UPF2: variants seen among roughly 807,000 people sequenced by gnomAD.
The protein encoded by UPF2 is UPF2 regulator of nonsense mediated mRNA decay.
UPF2 carries 17 observed loss-of-function variants against 141.4 expected under a neutral mutation model. That is an observed-to-expected ratio of 0.12 (90% CI 0.08 to 0.18). The LOEUF (loss-of-function observed/expected upper bound fraction) is 0.18. Among genes scored for constraint, UPF2 ranks in the 10% least tolerant of loss-of-function variants. UPF2 has a pLI of 1.00. For synonymous variants in UPF2, 540 were observed against 498.0 expected, an observed-to-expected ratio of 1.08 and a Z score of -1.12; for missense variants, 1,152 against 1,515.9, an observed-to-expected ratio of 0.76 and a Z score of 3.99.
rs1421383598 is a variant in UPF2, at chr10:11,940,636, C to T, written c.3378+2029G>A. Among the ~76,000 whole-genome samples, 4 of 152,204 alleles carry T rather than the reference C, an allele frequency of 2.6e-5. No homozygotes were observed. ...GCCTCACCCCCTACACACCCATATC[C>T]AATCCAGCGCCAAATAAGCCAGGTC... On this transcript the variant is annotated intron_variant, in intron 18 of 21. Coordinates refer to ENST00000357604, the MANE Select transcript of UPF2 (RefSeq NM_015542.4). The surrounding 1 kb of genome is among the most constrained non-coding windows in gnomAD (Gnocchi z 4.2).
At chr10:11,994,239 A>C (rs921464394) in intron 8 of UPF2, among the ~76,000 whole-genome samples, 1 of 152,208 alleles carries the variant, frequency 6.6e-6, no homozygotes, top group Admixed American at 6.5e-5. Flanking sequence ...GAGGAAGTAC[A>C]AATTCAAATA....
At position 11,969,474 on chromosome 10, in the gene UPF2, C is replaced by CT. The variant is rs201045878; in HGVS notation, c.1954-2021dup. The stretch of plus-strand genomic sequence containing the variant: ...TGTGAGACACTGCTCCCAGCCAGAA[C>CT]TTTTTTTTAATGACATCATTTAAGC... On this transcript the variant is annotated intron_variant, in intron 9 of 21. Coordinates refer to ENST00000357604, the MANE Select transcript of UPF2 (RefSeq NM_015542.4). Among the ~76,000 whole-genome samples the CT allele has an allele frequency of 1.6e-3, 236 of 151,900 alleles. 1 individual carries two copies. Among genetic ancestry groups the CT allele is most frequent in the African/African-American group, 5.3e-3 (218 of 41,456 alleles).
chr10:12,012,965 C>G (rs549789647), intron 4 of UPF2, among the ~76,000 whole-genome samples: 19 of 151,794 alleles, frequency 1.3e-4, no homozygotes, highest in African/African-American at 4.6e-4. Context: ...ATGGTAAAAC[C>G]TTGCCTCTAA....
intron 18 of UPF2, among the ~76,000 whole-genome samples, chr10:11,937,457 C>T (rs1832868009): frequency 6.6e-6 from 1 of 152,104 alleles, no homozygotes; most frequent in Non-Finnish European, 1.5e-5. Flanking sequence ...GGTTGCGTGC[C>T]CTTCACGAAA....
intron 9 of UPF2, among the ~76,000 whole-genome samples, chr10:11,975,445 C>T (rs1275933610): frequency 6.6e-6 from 1 of 152,034 alleles, no homozygotes; most frequent in East Asian, 1.9e-4. Flanking sequence ...TTTAAGTGTC[C>T]GTTTATTATA....
intron 4 of UPF2, among the ~76,000 whole-genome samples, chr10:12,005,081 G>A (rs533199252): frequency 6.8e-5 from 10 of 146,256 alleles, no homozygotes; most frequent in East Asian, 2.0e-4. Context: ...TAAGACATCC[G>A]TTTAAAGTCC....
At chr10:11,993,951 T>C (rs1225310610) in intron 8 of UPF2, among the ~76,000 whole-genome samples, 3 of 152,024 alleles carry the variant, frequency 2.0e-5, no homozygotes, top group Non-Finnish European at 4.4e-5. Context: ...ATCTCACCAC[T>C]GCACTCAAGC....
intron 18 of UPF2, among the ~76,000 whole-genome samples, chr10:11,938,853 G>GTTTTTTTGTTTTTTTTTTTTTTTTTTT (rs1832890068): frequency 3.8e-5 from 3 of 79,812 alleles, no homozygotes; most frequent in African/African-American, 1.5e-4. Context: ...TTTTTTTTTT[G>GTTTTTTTGTTTTTTTTTTTTTTTTTTT]TTTTTTTTTT....
intron 1 of UPF2, among the ~76,000 whole-genome samples, chr10:12,036,727 T>C (rs1279407100): frequency 6.6e-6 from 1 of 152,218 alleles, no homozygotes; most frequent in African/African-American, 2.4e-5. Context: ...GAGTTGTATA[T>C]AAGAAAATCA....
In UPF2 at chr10:12,024,386, G is replaced by A. The variant is rs1484549082; in HGVS notation, c.1145+4359C>T. 3.3e-5 allele frequency among the ~76,000 whole-genome samples: 5 copies of A among 152,200 alleles called. No homozygotes were observed. In the East Asian group the frequency reaches 9.6e-4, roughly 29 times the overall value. On this transcript the variant is annotated intron_variant, in intron 3 of 21. Coordinates refer to ENST00000357604, the MANE Select transcript of UPF2 (RefSeq NM_015542.4). ...GCACTTTGGGAGACCAAGGCAGGCAGATCATCTGAGGTCAGGAGTTCGAGA... is the reference window on the plus strand; with the variant it reads ...GCACTTTGGGAGACCAAGGCAGGCAAATCATCTGAGGTCAGGAGTTCGAGA...
chr10:11,999,034 A>AC (rs1833909932), intron 7 of UPF2, among the ~76,000 whole-genome samples: 1 of 151,802 alleles, frequency 6.6e-6, no homozygotes, highest in East Asian at 1.9e-4. Context: ...AAAAAAAAAA[A>AC]AAAAAACTCA....
chr10:12,031,571 T>C (rs1280743649), intron 2 of UPF2, among the ~76,000 whole-genome samples: 1 of 152,182 alleles, frequency 6.6e-6, no homozygotes, highest in Non-Finnish European at 1.5e-5. Flanking sequence ...GCCCAGGAGT[T>C]AAGACCAGAC....
At chr10:11,965,491 G>T (rs952506405) in intron 10 of UPF2, among the ~76,000 whole-genome samples, 3 of 151,982 alleles carry the variant, frequency 2.0e-5, no homozygotes, top group African/African-American at 7.3e-5. Flanking sequence ...ATGGAGGCTG[G>T]CTCTGTCACC....
At chr10:11,982,456 C>T (rs553903660) in intron 8 of UPF2, among the ~76,000 whole-genome samples, 1 of 152,184 alleles carries the variant, frequency 6.6e-6, no homozygotes, top group South Asian at 2.1e-4. Context: ...GATGCTCTGA[C>T]TCAGGGCCTA....
In UPF2 at chr10:11,939,012, A is replaced by T. The variant is rs1376704200; in HGVS notation, c.3379-2300T>A. ...CTCAGCCTCCCAAGTAGCTGGGACT[A>T]CAGGCACCCACCACCACAACCAGCT... On this transcript the variant is annotated intron_variant, in intron 18 of 21. Transcript: ENST00000357604. This position sits in a 1 kb window ranked among gnomAD's most constrained non-coding sequence, Gnocchi z 4.8. 6.6e-6 allele frequency among the ~76,000 whole-genome samples: 1 copy of T among 151,830 alleles called. No individual in the cohort carries two copies. Among genetic ancestry groups the T allele is most frequent in the Middle Eastern group, 3.4e-3 (1 of 294 alleles).
intron 2 of UPF2, among the ~76,000 whole-genome samples, chr10:12,033,241 A>G (rs1055886716): frequency 6.6e-5 from 10 of 152,222 alleles, no homozygotes; most frequent in African/African-American, 1.2e-4. Context: ...CCGTTTCCAA[A>G]AACGATTTTT....
chr10:11,928,506 G>A (rs545540217), intron 21 of UPF2, among the ~76,000 whole-genome samples: 8 of 151,282 alleles, frequency 5.3e-5, no homozygotes, highest in Admixed American at 6.6e-5. Flanking sequence ...TCAGGAGATC[G>A]AGACCATCCT....
intron 4 of UPF2, among the ~76,000 whole-genome samples, chr10:12,005,973 G>A (rs1293225731): frequency 1.3e-5 from 2 of 152,074 alleles, no homozygotes; most frequent in Non-Finnish European, 2.9e-5. Context: ...TCGAAATCCT[G>A]GGCTCATGCA....
At position 11,997,695 on chromosome 10, in the gene UPF2, T is replaced by C. The variant is rs1371916219; in HGVS notation, c.1821A>G (p.Ala607=). The change falls in exon 8 of 22, where the codon GCA becomes GCG. Residue 607 remains alanine, a synonymous_variant. Coordinates refer to ENST00000357604, the MANE Select transcript of UPF2 (RefSeq NM_015542.4). ...ACCTTTGTCTAGGAACTATGAAGAG[T>C]GCCCGTACCAACTTCTTCCTGTTTG... ...TKANRKKLVR[A]LFIVPRQRLD... is the part of the protein sequence containing the mutation. 3 of 1,613,688 alleles carry C rather than the reference T, an allele frequency of 1.9e-6. No homozygotes were observed. The highest frequency in any genetic ancestry group is 2.5e-6 in the Non-Finnish European group (3 of 1,179,860).
Sources: allele counts gnomAD v4.1 joint callset (sites outside exome capture counted in the v4.1 genomes callset), GRCh38; gene constraint gnomAD v4.1.1; non-coding constraint Gnocchi (gnomAD v3.1); transcripts MANE v1.5; gene names NCBI Gene and HGNC (gene_info 2026-07-23, HGNC 2026-07-21).